Variants in FGD5 observed in about 807,000 individuals in gnomAD.
FGD5 encodes FYVE, RhoGEF and PH domain-containing protein 5.
A neutral mutation model predicts 133.4 loss-of-function variants in FGD5; 28 were observed. The observed-to-expected ratio is 0.21, with a 90% CI of 0.16 to 0.29. The LOEUF is 0.29. Among genes scored for constraint, FGD5 ranks in the 10% least tolerant of loss-of-function variants. The probability of loss-of-function intolerance (pLI) is 1.00; values close to 1 mark genes in which losing one functional copy is unlikely to be tolerated. For missense variants in FGD5, 1,858 were observed against 1,895.2 expected (o/e 0.98, Z 0.36); for synonymous variants, 810 against 776.5 (o/e 1.04, Z -0.72).
At chr3:14,870,214 A>G (rs1414302395) in intron 2 of FGD5, among the ~76,000 whole-genome samples, 3 of 152,198 alleles carry the variant, frequency 2.0e-5, no homozygotes, top group Non-Finnish European at 4.4e-5. Context: ...GAGCAGTGCA[A>G]GGGCAGGAGG....
chr3:14,916,270 G>A (rs781130392), intron 11 of FGD5, among the ~76,000 whole-genome samples: 3 of 152,202 alleles, frequency 2.0e-5, no homozygotes, highest in Non-Finnish European at 4.4e-5. Flanking sequence ...TAGTCTCAAC[G>A]CTGGTCCATA....
chr3:14,863,436 C>T (rs999190178), intron 1 of FGD5, among the ~76,000 whole-genome samples: 8 of 152,192 alleles, frequency 5.3e-5, no homozygotes, highest in East Asian at 1.9e-4. Context: ...GTGTTTTACT[C>T]GATGCCTAGC....
At chr3:14,823,351 G>A (rs981568959) in intron 1 of FGD5, among the ~76,000 whole-genome samples, 4 of 152,200 alleles carry the variant, frequency 2.6e-5, no homozygotes, top group Non-Finnish European at 5.9e-5. Flanking sequence ...GCCTCATCGG[G>A]TGCTGGGTAC....
chr3:14,826,767 C>G (rs575981309), intron 1 of FGD5, among the ~76,000 whole-genome samples: 1 of 152,230 alleles, frequency 6.6e-6, no homozygotes, highest in East Asian at 1.9e-4. Context: ...GTCTGTCTGT[C>G]TCTCTCACAC....
chr3:14,916,041 G>C (rs539489568), intron 11 of FGD5, among the ~76,000 whole-genome samples: 82 of 152,260 alleles, frequency 5.4e-4, no homozygotes, highest in African/African-American at 1.9e-3. Context: ...CCTGGTTGAT[G>C]TTGGTGTCAT....
intron 2 of FGD5, among the ~76,000 whole-genome samples, chr3:14,867,929 G>T (rs1035519964): frequency 1.3e-5 from 2 of 152,012 alleles, no homozygotes; most frequent in African/African-American, 4.8e-5. Flanking sequence ...GTTTTTGGGG[G>T]TGCAGTGGTG....
At chr3:14,885,006 A>G (rs1275707494) in intron 4 of FGD5, among the ~76,000 whole-genome samples, 1 of 149,858 alleles carries the variant, frequency 6.7e-6, no homozygotes, top group East Asian at 2.0e-4. Flanking sequence ...CCCTTCTTCC[A>G]CCTCCCTCCT....
At chr3:14,921,088 C>T (rs1219177162) in intron 13 of FGD5, among the ~76,000 whole-genome samples, 1 of 152,210 alleles carries the variant, frequency 6.6e-6, no homozygotes, top group Non-Finnish European at 1.5e-5. Context: ...TGCCCATCTC[C>T]CAGGGCAAGG....
chr3:14,845,263 C>G (rs2037028399), intron 1 of FGD5, among the ~76,000 whole-genome samples: 1 of 152,200 alleles, frequency 6.6e-6, no homozygotes. Context: ...CAGCTGCATT[C>G]TGAAATCATC....
upstream of FGD5, among the ~76,000 whole-genome samples, chr3:14,814,738 G>A (rs1001658611): frequency 1.3e-5 from 2 of 152,160 alleles, no homozygotes; most frequent in Non-Finnish European, 2.9e-5. Flanking sequence ...ATCTCCACCA[G>A]GGTGTGTAGT....
At chr3:14,897,709 A>G (rs1219097607) in intron 5 of FGD5, 40 bp downstream of exon 5, 2 of 1,558,046 alleles carry the variant, frequency 1.3e-6, no homozygotes, top group Non-Finnish European at 1.7e-6. Flanking sequence ...CTTTTGTTGC[A>G]CTGGGGGAAT....
chr3:14,875,506 C>T (rs903513120), intron 2 of FGD5, among the ~76,000 whole-genome samples: 1 of 152,128 alleles, frequency 6.6e-6, no homozygotes, highest in Non-Finnish European at 1.5e-5. Flanking sequence ...CCTGGAGCTC[C>T]ATGTGGCATG....
rs112305534 is a variant in FGD5, at chr3:14,820,316, C to T, written c.1245C>T (p.Val415=). Residue 415 remains valine, a synonymous_variant, in exon 1 of 20, where the codon GTC becomes GTT. Transcript: ENST00000285046. ...GTCCCGCAGCCCCTGATGTGGTGGT[C>T]GTGCTGGAGGAGGAGGCCTTGGATG... ...AEGPAAPDVV[V]VLEEEALDDA... is the part of the protein sequence containing the mutation. The T allele has an allele frequency of 7.2e-5, 116 of 1,607,950 alleles. 1 individual carries two copies. The African/African-American group carries it at 1.1e-3, about 15-fold the overall frequency.
intron 1 of FGD5, among the ~76,000 whole-genome samples, chr3:14,854,389 TTTTATTTATTTATTTA>T (rs71268415): frequency 1.2e-4 from 17 of 137,612 alleles, no homozygotes; most frequent in Admixed American, 2.2e-4. Flanking sequence ...TTTCTTTTCT[TTTTATTTATTTATTTA>T]TTTATTTATT....
intron 4 of FGD5, among the ~76,000 whole-genome samples, chr3:14,886,303 T>C (rs2037923162): frequency 6.6e-6 from 1 of 152,216 alleles, no homozygotes; most frequent in Non-Finnish European, 1.5e-5. Flanking sequence ...GTACTCCTAG[T>C]TGCAGAGGAA....
chr3:14,885,892 G>C (rs1018259001), intron 4 of FGD5, among the ~76,000 whole-genome samples: 1 of 152,204 alleles, frequency 6.6e-6, no homozygotes, highest in Non-Finnish European at 1.5e-5. Context: ...ATTGAGATAG[G>C]AGAGATTGTT....
intron 9 of FGD5, among the ~76,000 whole-genome samples, chr3:14,907,114 G>A (rs779885288): frequency 4.6e-5 from 7 of 152,210 alleles, no homozygotes; most frequent in South Asian, 2.1e-4. Context: ...CAGGGTGGGC[G>A]CTTGTTGTAT....
At chr3:14,837,906 G>A (rs1201551194) in intron 1 of FGD5, among the ~76,000 whole-genome samples, 1 of 152,186 alleles carries the variant, frequency 6.6e-6, no homozygotes, top group Admixed American at 6.5e-5. Context: ...CTTATTTTCC[G>A]TTGCTGCCAT....
chr3:14,876,052 T>C lies in FGD5; in HGVS notation c.2659-4520T>C, dbSNP rs368144870. The stretch of plus-strand genomic sequence containing the variant: ...CGAGCAGGTGTGGACCCAGGAGGCC[T>C]GTACGCAGAGAGGGGAGGCGACGAG... On this transcript the variant is annotated intron_variant, in intron 2 of 19. Coordinates refer to ENST00000285046, the MANE Select transcript of FGD5 (RefSeq NM_152536.4). 4.9e-4 allele frequency among the ~76,000 whole-genome samples: 74 copies of C among 152,274 alleles called. 2 individuals carry two copies. In the East Asian group the frequency reaches 0.011, roughly 22 times the overall value.
Sources: allele counts gnomAD v4.1 joint callset (sites outside exome capture counted in the v4.1 genomes callset), GRCh38; gene constraint gnomAD v4.1.1; transcripts MANE v1.5; gene names NCBI Gene and HGNC (gene_info 2026-07-23, HGNC 2026-07-21).